Variants in MRPL39 observed in about 807,000 individuals in gnomAD.
The protein encoded by MRPL39 is mitochondrial ribosomal protein L39.
A neutral mutation model predicts 44.5 loss-of-function variants in MRPL39; 35 were observed. The observed-to-expected ratio is 0.79, with a 90% CI of 0.60 to 1.04. The LOEUF (loss-of-function observed/expected upper bound fraction) is 1.04. Among genes scored for constraint, MRPL39 ranks in the 50% least tolerant of loss-of-function variants. MRPL39 has a pLI of 0.00. For missense variants in MRPL39, 433 were observed against 413.5 expected (o/e 1.05, Z -0.41); for synonymous variants, 139 against 136.1 (o/e 1.02, Z -0.15).
At chr21:25,607,553 G>C (rs551787791), upstream of MRPL39, 2 of 1,462,842 alleles carry the variant, frequency 1.4e-6, no homozygotes, top group African/African-American at 2.8e-5. Flanking sequence ...TCGGAGTTCC[G>C]CAGGACAGGT....
rs552227159 is a variant in MRPL39 at position 25,603,249 on chromosome 21, G to C, written c.420+547C>G. Among the ~76,000 whole-genome samples, 10 of 152,256 alleles carry C rather than the reference G, an allele frequency of 6.6e-5. No homozygotes were observed. In the East Asian group the frequency reaches 9.6e-4, roughly 15 times the overall value. On this transcript the variant is annotated intron_variant, in intron 3 of 9. Coordinates refer to ENST00000352957, the MANE Select transcript of MRPL39 (RefSeq NM_017446.4). Reference sequence around the variant, plus strand: ...CAAGGAGGAAGTGGAAAGAAGCAGGGGGGAGGCCAAGCTGGAAAGGCAGGC... The same window carrying C: ...CAAGGAGGAAGTGGAAAGAAGCAGGCGGGAGGCCAAGCTGGAAAGGCAGGC...
At chr21:25,590,632 G>A (rs1482314552) in intron 8 of MRPL39, among the ~76,000 whole-genome samples, 1 of 151,694 alleles carries the variant, frequency 6.6e-6, no homozygotes, top group Admixed American at 6.6e-5. Flanking sequence ...GATGAAAGAA[G>A]ATATAAATAA....
chr21:25,589,072 T>C (rs2031092136), intron 8 of MRPL39, among the ~76,000 whole-genome samples, 190 bp from the exon 9 acceptor site: 1 of 152,216 alleles, frequency 6.6e-6, no homozygotes, highest in South Asian at 2.1e-4. Context: ...TTTTTTGCTT[T>C]CTTCAATCGC....
chr21:25,593,759 G>A (rs1375996997), intron 7 of MRPL39, 134 bp downstream of exon 7: 7 of 618,050 alleles, frequency 1.1e-5, no homozygotes, highest in African/African-American at 5.5e-5. Context: ...AACAATGAAC[G>A]AAGCAACCAA....
At chr21:25,607,568 T>C, upstream of MRPL39, 3 of 1,329,292 alleles carry the variant, frequency 2.3e-6, no homozygotes, top group Non-Finnish European at 3.1e-6. Flanking sequence ...ACAGGTCTGT[T>C]CCGGACCCAG....
At chr21:25,591,079 CAAAAAAA>C (rs55796940) in intron 8 of MRPL39, among the ~76,000 whole-genome samples, 3 of 129,144 alleles carry the variant, frequency 2.3e-5, no homozygotes, top group Non-Finnish European at 4.8e-5. Context: ...CTATAGCCCA[CAAAAAAA>C]AAAAAAAAAA....
rs2031390637 is a variant in MRPL39, at chr21:25,597,348, G to C, written c.655C>G (p.Leu219Val). Residue 219 changes from leucine (L) to valine (V), a missense_variant, in exon 6 of 10, where the codon CTG becomes GTG. Transcript: ENST00000352957. ...LIYKDLPFET[L>V]EVEAKVALEI... ...AATGCCACTTTTGCTTCAACTTCCAGAGTTTCAAATGGAAGATCTTTATAA... is the reference window on the plus strand; with the variant it reads ...AATGCCACTTTTGCTTCAACTTCCACAGTTTCAAATGGAAGATCTTTATAA... 1 of 1,603,714 alleles carries C rather than the reference G, an allele frequency of 6.2e-7. No homozygotes were observed. Among genetic ancestry groups the C allele is most frequent in the Non-Finnish European group, 8.5e-7 (1 of 1,173,912 alleles).
At chr21:25,595,751 A>G (rs2031335336) in intron 6 of MRPL39, among the ~76,000 whole-genome samples, 1 of 152,162 alleles carries the variant, frequency 6.6e-6, no homozygotes, top group East Asian at 1.9e-4. Context: ...ATTAACTTCA[A>G]CTTTTGTTTT....
At chr21:25,598,641 T>C (rs1012159557) in intron 5 of MRPL39, among the ~76,000 whole-genome samples, 1 of 151,994 alleles carries the variant, frequency 6.6e-6, no homozygotes, top group Admixed American at 6.5e-5. Flanking sequence ...TTCCCTCCCC[T>C]CTTTCCATCC....
chr21:25,602,842 T>C (rs2031560166), intron 3 of MRPL39, among the ~76,000 whole-genome samples: 1 of 152,224 alleles, frequency 6.6e-6, no homozygotes, highest in Non-Finnish European at 1.5e-5. Flanking sequence ...TAACACAGCA[T>C]AAACCATTAG....
At position 25,602,303 on chromosome 21, in the gene MRPL39, G is replaced by A. The variant is rs59639702; in HGVS notation, c.421-836C>T. Among the ~76,000 whole-genome samples, 1,127 of 152,244 alleles carry A rather than the reference G, an allele frequency of 7.4e-3. 13 individuals carry two copies. The highest frequency in any genetic ancestry group is 0.026 in the African/African-American group (1,068 of 41,532). On this transcript the variant is annotated intron_variant, in intron 3 of 9. Coordinates refer to ENST00000352957, the MANE Select transcript of MRPL39 (RefSeq NM_017446.4). ...TCAGAATGCCTAGGTTCAAATCTGG[G>A]CTCCACTATTTCCTAAATCAGTAAC...
chr21:25,595,906 C>T (rs2031340938), intron 6 of MRPL39, among the ~76,000 whole-genome samples: 1 of 152,064 alleles, frequency 6.6e-6, no homozygotes, highest in Non-Finnish European at 1.5e-5. Flanking sequence ...CTTGTCGAAT[C>T]AATGCTATAA....
chr21:25,590,283 C>T (rs924248939), intron 8 of MRPL39, among the ~76,000 whole-genome samples: 2 of 151,860 alleles, frequency 1.3e-5, no homozygotes, highest in Non-Finnish European at 2.9e-5. Context: ...CTAAGGAAAC[C>T]AGGGGTATCC....
At chr21:25,586,559 G>A (rs2031003113) in intron 9 of MRPL39, among the ~76,000 whole-genome samples, 1 of 152,180 alleles carries the variant, frequency 6.6e-6, no homozygotes, top group Non-Finnish European at 1.5e-5. Flanking sequence ...TCTCAGTGGG[G>A]TGGAGGAGGA....
chr21:25,597,219 T>C, intron 6 of MRPL39, 83 bp downstream of exon 6: 3 of 842,330 alleles, frequency 3.6e-6, no homozygotes, highest in Admixed American at 5.9e-5. Context: ...ATATCAAATA[T>C]AAAAATTTTT....
At chr21:25,595,775 T>C (rs2031336446) in intron 6 of MRPL39, among the ~76,000 whole-genome samples, 2 of 152,216 alleles carry the variant, frequency 1.3e-5, no homozygotes, top group Non-Finnish European at 2.9e-5. Context: ...TTTTTTTCAA[T>C]GCAACTACAG....
At chr21:25,606,100 C>A (rs1418020090) in intron 2 of MRPL39, among the ~76,000 whole-genome samples, 3 of 152,120 alleles carry the variant, frequency 2.0e-5, no homozygotes, top group African/African-American at 7.2e-5. Context: ...TAAAGAACCT[C>A]TGGGAAGTCC....
rs1431024067 is a variant in MRPL39 at position 25,602,599 on chromosome 21, ATCT to A, written c.421-1135_421-1133del. On this transcript the variant is annotated intron_variant, in intron 3 of 9. Coordinates refer to ENST00000352957, the MANE Select transcript of MRPL39 (RefSeq NM_017446.4). The stretch of plus-strand genomic sequence containing the variant: ...AGGTCCAATAAGGGAAATGGTCCCT[ATCT>A]TCACATTCGACCGTTTATGTTACAA... Among the ~76,000 whole-genome samples, 7 of 152,330 alleles carry A rather than the reference ATCT, an allele frequency of 4.6e-5. No individual in the cohort carries two copies. In the South Asian group the frequency reaches 1.0e-3, roughly 23 times the overall value.
At chr21:25,587,612 G>T in intron 9 of MRPL39, 1 of 1,074,216 alleles carries the variant, frequency 9.3e-7, no homozygotes, top group Non-Finnish European at 1.4e-6. Flanking sequence ...GAAAATAAAT[G>T]TACTGGCAAA....
Sources: gnomAD v4.1 joint callset for allele counts (sites outside exome capture counted in the v4.1 genomes callset) on GRCh38, gnomAD v4.1.1 for gene constraint, MANE v1.5 for transcripts, NCBI Gene and HGNC (gene_info 2026-07-23, HGNC 2026-07-21) for gene names.